The following NRXN3 variants were observed in gnomAD, a reference collection of about 807,000 sequenced individuals.
NRXN3 encodes the protein neurexin 3.
A neutral mutation model predicts 137.6 loss-of-function variants in NRXN3; 32 were observed. That is an observed-to-expected ratio of 0.23 (90% CI 0.18 to 0.31). NRXN3 has a LOEUF of 0.31. Among genes scored for constraint, NRXN3 ranks in the 10% least tolerant of loss-of-function variants. The pLI is 1.00. For missense variants in NRXN3, 1,574 were observed against 2,062.5 expected (o/e 0.76, Z 4.59); for synonymous variants, 798 against 784.5 (o/e 1.02, Z -0.29).
In NRXN3 at chr14:78,709,442, C is replaced by T. The variant is rs1567114798; in HGVS notation, c.1447C>T (p.Leu483=). 6.2e-7 allele frequency: 1 copy of T among 1,614,122 alleles called. No individual in the cohort carries two copies. Among genetic ancestry groups the T allele is most frequent in the African/African-American group, 1.3e-5 (1 of 75,032 alleles). The change falls in exon 7 of 21, where the codon CTG becomes TTG. Residue 483 remains leucine, a synonymous_variant. Coordinates refer to ENST00000335750, the MANE Select transcript of NRXN3 (RefSeq NM_001330195.2). The part of the protein sequence containing the change: ...FDFRTTEPNG[L]ILFTHGKPQE... Reference sequence around the variant, plus strand: ...CTTCCGCACCACAGAGCCCAATGGCCTGATCCTCTTCACTCATGGAAAGCC... The same window carrying T: ...CTTCCGCACCACAGAGCCCAATGGCTTGATCCTCTTCACTCATGGAAAGCC...
intron 2 of NRXN3, among the ~76,000 whole-genome samples, chr14:78,246,513 A>C (rs1488683171): frequency 1.3e-5 from 2 of 152,150 alleles, no homozygotes; most frequent in African/African-American, 4.8e-5. Flanking sequence ...TAACAGTAAC[A>C]CTTGGCTGGC....
rs922348947 is a variant in NRXN3, at chr14:78,537,622, C to A, written c.758-107498C>A. Among the ~76,000 whole-genome samples, 5 of 152,276 alleles carry A rather than the reference C, an allele frequency of 3.3e-5. No homozygotes were observed. The East Asian group carries it at 5.8e-4, about 18-fold the overall frequency. On this transcript the variant is annotated intron_variant, in intron 4 of 20. Transcript: ENST00000335750. ...GAAACTGTTTGGTTTAATTAGATCC[C>A]ATTTGCCTATTTTGGCTTTTGTTGC...
chr14:79,557,199 C>T (rs2153766135), intron 16 of NRXN3, among the ~76,000 whole-genome samples: 1 of 152,058 alleles, frequency 6.6e-6, no homozygotes, highest in Non-Finnish European at 1.5e-5. Context: ...ACCTTCTTTG[C>T]TTGACTGTGA....
chr14:79,858,895 C>T (rs1266810396), intron 20 of NRXN3, among the ~76,000 whole-genome samples: 1 of 151,314 alleles, frequency 6.6e-6, no homozygotes, highest in Non-Finnish European at 1.5e-5. Flanking sequence ...CACTCCAAAT[C>T]CCATTTGTAA....
chr14:78,318,035 A>G (rs142910919), intron 4 of NRXN3, among the ~76,000 whole-genome samples: 1 of 152,280 alleles, frequency 6.6e-6, no homozygotes, highest in South Asian at 2.1e-4. Flanking sequence ...TAACTTTCAA[A>G]ATATGAAACC....
chr14:79,817,719 C>T (rs781010393), intron 20 of NRXN3, among the ~76,000 whole-genome samples: 15 of 152,130 alleles, frequency 9.9e-5, no homozygotes, highest in Non-Finnish European at 1.8e-4. Context: ...CTGTCTCTTA[C>T]GTAGCGCTTA....
intron 8 of NRXN3, among the ~76,000 whole-genome samples, chr14:78,762,209 T>C (rs903769790): frequency 6.6e-6 from 1 of 152,246 alleles, no homozygotes; most frequent in Non-Finnish European, 1.5e-5. Context: ...GAAATCACGA[T>C]GTATCGGTGG....
At chr14:78,562,271 C>G (rs1331026810) in intron 4 of NRXN3, among the ~76,000 whole-genome samples, 1 of 151,858 alleles carries the variant, frequency 6.6e-6, no homozygotes, top group Non-Finnish European at 1.5e-5. Flanking sequence ...GTGGCACACC[C>G]CTGTAGTCCC....
chr14:79,706,814 G>C (rs572511221), intron 19 of NRXN3, among the ~76,000 whole-genome samples: 1 of 151,984 alleles, frequency 6.6e-6, no homozygotes, highest in African/African-American at 2.4e-5. Flanking sequence ...CCCTTTCACC[G>C]TTTCACCCCT....
chr14:78,423,509 C>T (rs2093539890), intron 4 of NRXN3, among the ~76,000 whole-genome samples: 1 of 152,130 alleles, frequency 6.6e-6, no homozygotes. Context: ...CTCATCAATA[C>T]AGAATTTGTG....
At chr14:79,757,072 G>A (rs2099022128) in intron 19 of NRXN3, among the ~76,000 whole-genome samples, 2 of 152,124 alleles carry the variant, frequency 1.3e-5, no homozygotes, top group Admixed American at 6.6e-5. Context: ...AACCAGGTGA[G>A]CTTGGTCCCC....
chr14:78,440,220 G>A (rs1279314628), intron 4 of NRXN3, among the ~76,000 whole-genome samples: 5 of 152,190 alleles, frequency 3.3e-5, no homozygotes, highest in African/African-American at 1.2e-4. Flanking sequence ...TGTATGAAGA[G>A]AGGTGGCAGC....
chr14:79,737,858 C>G (rs995324174), intron 19 of NRXN3, among the ~76,000 whole-genome samples: 1 of 151,926 alleles, frequency 6.6e-6, no homozygotes, highest in Admixed American at 6.6e-5. Context: ...ATGCCCAGCC[C>G]ATTGTGCAGT....
intron 10 of NRXN3, among the ~76,000 whole-genome samples, chr14:78,824,866 A>G (rs1180216222): frequency 6.6e-6 from 1 of 152,174 alleles, no homozygotes; most frequent in South Asian, 2.1e-4. Context: ...AGGATACTCC[A>G]TTTACCCTGA....
intron 1 of NRXN3, among the ~76,000 whole-genome samples, chr14:78,192,633 G>C (rs1236708377): frequency 2.0e-5 from 3 of 152,102 alleles, no homozygotes; most frequent in Non-Finnish European, 1.5e-5. Flanking sequence ...GATTGGATAT[G>C]AGGATGAGGG....
chr14:78,987,967 A>G, intron 14 of NRXN3, 55 bp from the exon 15 acceptor site: 1 of 1,560,684 alleles, frequency 6.4e-7, no homozygotes, highest in Non-Finnish European at 8.7e-7. Flanking sequence ...CTAATTTTTA[A>G]CATTTCTTCT....
intron 4 of NRXN3, among the ~76,000 whole-genome samples, chr14:78,526,519 A>T (rs2096382232): frequency 6.6e-6 from 1 of 152,214 alleles, no homozygotes; most frequent in African/African-American, 2.4e-5. Context: ...GCTTTCCTCT[A>T]CTTTAAGCAC....
chr14:79,342,659 C>T (rs570215446), intron 15 of NRXN3, among the ~76,000 whole-genome samples: 13 of 152,172 alleles, frequency 8.5e-5, no homozygotes, highest in Admixed American at 2.6e-4. Flanking sequence ...TACTCAGCTG[C>T]GTTATCCCCT....
chr14:79,348,127 G>A (rs139605968), intron 15 of NRXN3, among the ~76,000 whole-genome samples: 1 of 152,144 alleles, frequency 6.6e-6, no homozygotes, highest in African/African-American at 2.4e-5. Flanking sequence ...TGTTAACAGA[G>A]CCACAAGTTT....
Sources: gnomAD v4.1 joint callset for allele counts (sites outside exome capture counted in the v4.1 genomes callset) on GRCh38, gnomAD v4.1.1 for gene constraint, MANE v1.5 for transcripts, NCBI Gene and HGNC (gene_info 2026-07-23, HGNC 2026-07-21) for gene names.